CFAP299: variants seen among roughly 807,000 people sequenced by gnomAD.
CFAP299 encodes cilia and flagella associated protein 299, also known as cilia- and flagella-associated protein 299.
In CFAP299, 21 loss-of-function variants were observed where a neutral mutation model predicts 27.0. The observed-to-expected ratio is 0.78, with a 90% CI of 0.55 to 1.12. The LOEUF (loss-of-function observed/expected upper bound fraction) is 1.12, where lower values mean the gene tolerates loss of function less well. Among genes scored for constraint, CFAP299 ranks in the 50% most tolerant of loss-of-function variants. The probability of loss-of-function intolerance (pLI) is 0.00; values close to 1 mark genes in which losing one functional copy is unlikely to be tolerated. For missense variants in CFAP299, 310 were observed against 276.6 expected, an observed-to-expected ratio of 1.12 and a Z score of -0.86; for synonymous variants, 104 against 98.1, an observed-to-expected ratio of 1.06 and a Z score of -0.36.
At chr4:80,651,147 A>G (rs911789714) in intron 3 of CFAP299, among the ~76,000 whole-genome samples, 5 of 152,052 alleles carry the variant, frequency 3.3e-5, no homozygotes, top group African/African-American at 9.7e-5. Context: ...TTTAGGTTGC[A>G]AATATTTTTC....
At chr4:80,748,493 A>C (rs187694070) in intron 3 of CFAP299, among the ~76,000 whole-genome samples, 1 of 152,104 alleles carries the variant, frequency 6.6e-6, no homozygotes, top group Non-Finnish European at 1.5e-5. Flanking sequence ...ATGAACATCT[A>C]TTTTCCCTAA....
chr4:80,483,005 A>G (rs1730640695), intron 2 of CFAP299, among the ~76,000 whole-genome samples: 1 of 152,238 alleles, frequency 6.6e-6, no homozygotes, highest in East Asian at 1.9e-4. Context: ...CTTACATAGC[A>G]AAACGGAACT....
chr4:80,351,423 G>A (rs1723010624), intron 1 of CFAP299, among the ~76,000 whole-genome samples: 1 of 152,094 alleles, frequency 6.6e-6, no homozygotes, highest in Non-Finnish European at 1.5e-5. Flanking sequence ...AAAGTAGAAT[G>A]TAATAAGCTA....
At chr4:80,483,863 C>T (rs987649320) in intron 2 of CFAP299, among the ~76,000 whole-genome samples, 2 of 152,086 alleles carry the variant, frequency 1.3e-5, no homozygotes, top group Non-Finnish European at 2.9e-5. Flanking sequence ...AACACTTAAA[C>T]TTTCGAATTG....
rs186031947 is a variant in CFAP299 at position 80,687,738 on chromosome 4, G to T, written c.333+104555G>T. Among the ~76,000 whole-genome samples the T allele has an allele frequency of 2.5e-3, 374 of 152,320 alleles. 1 individual carries two copies. The highest frequency in any genetic ancestry group is 8.4e-3 in the African/African-American group (348 of 41,576). ...GTCTACAGCTCCCAGCGTGAGCGACGCAGAAGACAGGTGATTTCTGCATTT... is the reference window on the plus strand; with the variant it reads ...GTCTACAGCTCCCAGCGTGAGCGACTCAGAAGACAGGTGATTTCTGCATTT... On this transcript the variant is annotated intron_variant, in intron 3 of 5. Transcript: ENST00000358105.
intron 3 of CFAP299, among the ~76,000 whole-genome samples, chr4:80,756,921 C>T (rs1725268981): frequency 6.6e-6 from 1 of 152,070 alleles, no homozygotes; most frequent in African/African-American, 2.4e-5. Context: ...AATTAATGGC[C>T]TCCTAAAATA....
intron 4 of CFAP299, among the ~76,000 whole-genome samples, chr4:80,922,684 C>CT (rs890492749): frequency 2.0e-5 from 3 of 151,622 alleles, no homozygotes; most frequent in African/African-American, 7.3e-5. Context: ...AGCACTCTTT[C>CT]TTTTTTTGGA....
chr4:80,684,397 G>A (rs1471167714), intron 3 of CFAP299, among the ~76,000 whole-genome samples: 1 of 151,910 alleles, frequency 6.6e-6, no homozygotes, highest in African/African-American at 2.4e-5. Flanking sequence ...CTGAGTAGCC[G>A]GGACTATAGG....
chr4:80,961,424 A>G (rs1738339570), intron 5 of CFAP299, among the ~76,000 whole-genome samples: 1 of 151,874 alleles, frequency 6.6e-6, no homozygotes, highest in Non-Finnish European at 1.5e-5. Context: ...TATTAAGTAT[A>G]GCACAATTTA....
rs147351821 is a variant in CFAP299 at position 80,400,966 on chromosome 4, C to T, written c.242+38082C>T. Among the ~76,000 whole-genome samples, 147 of 152,290 alleles carry T rather than the reference C, an allele frequency of 9.7e-4. 1 individual carries two copies. The highest frequency in any genetic ancestry group is 3.4e-3 in the Middle Eastern group (1 of 294). On this transcript the variant is annotated intron_variant, in intron 2 of 5. Coordinates refer to ENST00000358105, the MANE Select transcript of CFAP299 (RefSeq NM_152770.3). ...GGGATCTGGAGTAAAATGACTGTTG[C>T]TATGTTTCATCAAAGAGACTGGTGG...
At chr4:80,678,765 A>G (rs61372633) in intron 3 of CFAP299, among the ~76,000 whole-genome samples, 1,690 of 152,148 alleles carry the variant, frequency 0.011, 58 homozygotes, top group East Asian at 0.11. Context: ...TGAAATAAGT[A>G]TGGACTAGAG....
At chr4:80,941,449 C>A (rs1190930323) in intron 4 of CFAP299, among the ~76,000 whole-genome samples, 1 of 152,114 alleles carries the variant, frequency 6.6e-6, no homozygotes. Context: ...ATACTGCATA[C>A]TAGTTAAATG....
intron 4 of CFAP299, among the ~76,000 whole-genome samples, chr4:80,886,056 G>T (rs1312654840): frequency 2.0e-5 from 3 of 152,134 alleles, no homozygotes; most frequent in African/African-American, 7.2e-5. Flanking sequence ...GAACATCAGT[G>T]GTGGCCTGGC....
intron 2 of CFAP299, among the ~76,000 whole-genome samples, chr4:80,528,224 C>G (rs1203754536): frequency 6.6e-6 from 1 of 152,000 alleles, no homozygotes; most frequent in Admixed American, 6.6e-5. Flanking sequence ...TTCTTCTAAC[C>G]CTTTTTTGAG....
intron 2 of CFAP299, among the ~76,000 whole-genome samples, chr4:80,505,871 A>G (rs1732004647): frequency 6.6e-6 from 1 of 151,834 alleles, no homozygotes; most frequent in African/African-American, 2.4e-5. Context: ...AGGCAGGAGG[A>G]TTTCTTGAGG....
In CFAP299 at chr4:80,388,256, A is replaced by G; in HGVS notation, c.242+25372A>G. 8.7e-6 allele frequency: 6 copies of G among 689,842 alleles called. No homozygotes were observed. In the Admixed American group the frequency reaches 1.2e-4, roughly 14 times the overall value. The allele number at this position is 689,842 out of a possible 1,614,324, so 42.7% of individuals were successfully genotyped here. ...CTGCACAGGTCGCGGGCCCTAGGGC[A>G]TGGGCTGGTCCAGGGATGTGAAGCC... On this transcript the variant is annotated intron_variant, in intron 2 of 5. Transcript: ENST00000358105.
At chr4:80,392,599 G>T (rs1352202688) in intron 2 of CFAP299, among the ~76,000 whole-genome samples, 1 of 151,976 alleles carries the variant, frequency 6.6e-6, no homozygotes, top group South Asian at 2.1e-4. Context: ...GTCATGTGAA[G>T]ATGGATGTGT....
Position 80,457,077 on chromosome 4 carries a change from A to G in CFAP299, c.242+94193A>G, listed in dbSNP as rs542092510. Among the ~76,000 whole-genome samples, 27 of 152,166 alleles carry G rather than the reference A, an allele frequency of 1.8e-4. No homozygotes were observed. In the South Asian group the frequency reaches 5.6e-3, roughly 32 times the overall value. ...AGACCATGAGAACATGTAAAAATGG[A>G]AGACTTTTACAGCACAAGTAGTTTG... On this transcript the variant is annotated intron_variant, in intron 2 of 5. Transcript: ENST00000358105.
intron 3 of CFAP299, among the ~76,000 whole-genome samples, chr4:80,780,036 A>AT (rs1347075732): frequency 1.3e-5 from 2 of 151,700 alleles, no homozygotes; most frequent in Non-Finnish European, 2.9e-5. Context: ...ACTCTGTCAT[A>AT]TTTTTTTCAT....
Sources: gnomAD v4.1 joint callset for allele counts (sites outside exome capture counted in the v4.1 genomes callset) on GRCh38, gnomAD v4.1.1 for gene constraint, MANE v1.5 for transcripts, NCBI Gene and HGNC (gene_info 2026-07-23, HGNC 2026-07-21) for gene names.